FGF13: variants seen among roughly 807,000 people sequenced by gnomAD.
FGF13 encodes the protein fibroblast growth factor homologous factor 2.
A neutral mutation model predicts 19.5 loss-of-function variants in FGF13; 2 were observed. That is an observed-to-expected ratio of 0.10 (90% CI 0.04 to 0.32). The LOEUF is 0.32. Ranked by LOEUF, FGF13 falls within the 10% of genes least tolerant of loss-of-function variation. FGF13 has a pLI of 1.00. For missense variants in FGF13, 113 were observed against 192.7 expected (o/e 0.59, Z 2.45); for synonymous variants, 72 against 76.9 (o/e 0.94, Z 0.33).
At chrX:138,875,521 A>G (rs978679307) in intron 1 of FGF13, among the ~76,000 whole-genome samples, 1 of 112,140 alleles carries the variant, frequency 8.9e-6, no homozygotes, top group African/African-American at 3.2e-5. Context: ...GGCTAATTTT[A>G]TGTGTTAACT....
chrX:138,696,652 G>A (rs992294058), intron 3 of FGF13, among the ~76,000 whole-genome samples: 1 of 112,215 alleles, frequency 8.9e-6, no homozygotes, highest in African/African-American at 3.2e-5. Flanking sequence ...CACAGAACTT[G>A]AGACCAGTTT....
chrX:138,650,925 T>G (rs2089363936), intron 3 of FGF13, among the ~76,000 whole-genome samples: 2 of 111,888 alleles, frequency 1.8e-5, no homozygotes, highest in Admixed American at 1.9e-4. Flanking sequence ...ACAGGAAGAT[T>G]GCTTCAATCA....
At chrX:138,929,731 T>C (rs1003864185) in intron 1 of FGF13, among the ~76,000 whole-genome samples, 3 of 110,640 alleles carry the variant, frequency 2.7e-5, no homozygotes, top group African/African-American at 9.9e-5. Flanking sequence ...AACTCCTCTA[T>C]TTTTTCCACA....
chrX:139,031,183 G>A (rs1218243334), intron 1 of FGF13, among the ~76,000 whole-genome samples: 1 of 109,695 alleles, frequency 9.1e-6, no homozygotes, highest in East Asian at 2.9e-4. Context: ...GAAGATATTT[G>A]TAAAACATTT....
At chrX:138,735,513 C>A (rs758302853) in intron 1 of FGF13, among the ~76,000 whole-genome samples, 4 of 111,969 alleles carry the variant, frequency 3.6e-5, no homozygotes, top group Non-Finnish European at 7.5e-5. Context: ...TATGTGTATA[C>A]CCTATTTACA....
rs903155282 is a variant in FGF13 at position 138,617,147 on chromosome X, G to A, written c.*15703C>T. Reference sequence around the variant, plus strand: ...TTGAAAGGAGTTTCTGTTACATGGTGCACGCATTTGTCAATACACATGAAT... The same window carrying A: ...TTGAAAGGAGTTTCTGTTACATGGTACACGCATTTGTCAATACACATGAAT... On this transcript the variant is annotated 3_prime_UTR_variant, in exon 5 of 5. Transcript: ENST00000315930. The A allele has an allele frequency of 1.3e-4, 14 of 111,310 alleles. No individual in the cohort carries two copies. The highest frequency in any genetic ancestry group is 3.6e-4 in the African/African-American group (11 of 30,608). The allele number at this position is 111,310 out of a possible 1,213,427, so 9.2% of individuals were successfully genotyped here.
Position 138,879,964 on chromosome X carries a change from T to G in FGF13, c.-112-15314A>C, listed in dbSNP as rs1294306481. ...AGGGTTAATATCCAGAATGCACAAA[T>G]AACTTAAACAAATTTACAAGAAAAA... On this transcript the variant is annotated intron_variant, in intron 1 of 2. Coordinates refer to the FGF13 transcript ENST00000421460. 3.6e-5 allele frequency among the ~76,000 whole-genome samples: 4 copies of G among 111,623 alleles called. No homozygotes were observed. In the Admixed American group the frequency reaches 3.8e-4, roughly 11 times the overall value.
intron 3 of FGF13, among the ~76,000 whole-genome samples, chrX:138,774,711 G>A (rs1326170794): frequency 9.0e-6 from 1 of 111,341 alleles, no homozygotes; most frequent in South Asian, 3.8e-4. Context: ...TAAAGGCAAG[G>A]CCCATGTATT....
intron 3 of FGF13, among the ~76,000 whole-genome samples, chrX:138,765,997 C>G (rs1602808704): frequency 9.0e-6 from 1 of 111,363 alleles, no homozygotes; most frequent in Non-Finnish European, 1.9e-5. Flanking sequence ...ATTCATCTTT[C>G]AGACCTCACC....
intron 3 of FGF13, among the ~76,000 whole-genome samples, chrX:138,750,347 C>T (rs1274763756): frequency 8.9e-6 from 1 of 111,848 alleles, no homozygotes; most frequent in Non-Finnish European, 1.9e-5. Context: ...GCTAAACTGT[C>T]AGAGTTTTAA....
intron 1 of FGF13, among the ~76,000 whole-genome samples, chrX:138,979,209 TGAATA>T (rs2091953463): frequency 8.9e-6 from 1 of 111,902 alleles, no homozygotes. Context: ...TACAATCGTT[TGAATA>T]TAGGACAGAT....
chrX:139,065,900 A>G (rs2092354726), intron 1 of FGF13, among the ~76,000 whole-genome samples: 1 of 111,677 alleles, frequency 9.0e-6, no homozygotes, highest in Non-Finnish European at 1.9e-5. Context: ...CACTTATTCT[A>G]AAATTGCCCA....
intron 3 of FGF13, among the ~76,000 whole-genome samples, chrX:138,841,691 T>A (rs2091150984): frequency 9.0e-6 from 1 of 111,289 alleles, no homozygotes; most frequent in Admixed American, 9.6e-5. Context: ...TCAAAATACA[T>A]TAAATTAGCT....
At chrX:138,683,415 T>TCTCA (rs2089749048) in intron 3 of FGF13, among the ~76,000 whole-genome samples, 1 of 103,407 alleles carries the variant, frequency 9.7e-6, no homozygotes, top group African/African-American at 3.5e-5. Context: ...TCTCTCTCTC[T>TCTCA]CACACACACA....
At chrX:139,011,308 G>A (rs2092126875) in intron 1 of FGF13, among the ~76,000 whole-genome samples, 2 of 106,544 alleles carry the variant, frequency 1.9e-5, no homozygotes, top group South Asian at 8.4e-4. Flanking sequence ...ATTCTATGAT[G>A]CCAGTATCAC....
chrX:138,640,418 C>A (rs1305929255), intron 3 of FGF13, among the ~76,000 whole-genome samples: 2 of 112,145 alleles, frequency 1.8e-5, no homozygotes, highest in Non-Finnish European at 3.8e-5. Context: ...GGCTTGGGAG[C>A]AATATAAATT....
At position 138,648,115 on chromosome X, in the gene FGF13, C is replaced by T. The variant is rs142312073; in HGVS notation, c.403-12460G>A. On this transcript the variant is annotated intron_variant, in intron 3 of 4. Coordinates refer to ENST00000315930, the MANE Select transcript of FGF13 (RefSeq NM_004114.5). ...GATCAATTCGTACTTTGTTCTTTTA[C>T]CATCAACCTCTTACAGCTGGCTCTG... 2.0e-3 allele frequency among the ~76,000 whole-genome samples: 219 copies of T among 111,965 alleles called. 1 individual carries two copies. Among genetic ancestry groups the T allele is most frequent in the South Asian group, 2.2e-3 (6 of 2,673 alleles).
intron 1 of FGF13, among the ~76,000 whole-genome samples, chrX:139,029,707 A>G (rs1373875762): frequency 8.9e-6 from 1 of 111,849 alleles, no homozygotes; most frequent in African/African-American, 3.2e-5. Context: ...GCTCTCCTAC[A>G]GTAACTATTG....
At chrX:138,814,302 G>A (rs940454329) in intron 3 of FGF13, among the ~76,000 whole-genome samples, 1 of 110,291 alleles carries the variant, frequency 9.1e-6, no homozygotes, top group African/African-American at 3.3e-5. Context: ...GCAGGTACTA[G>A]CCCTACTAGA....
Sources: allele counts gnomAD v4.1 joint callset (sites outside exome capture counted in the v4.1 genomes callset), GRCh38; gene constraint gnomAD v4.1.1; transcripts MANE v1.5; gene names NCBI Gene and HGNC (gene_info 2026-07-23, HGNC 2026-07-21).